The following KLRG2 variants were observed in gnomAD, a reference collection of about 807,000 sequenced individuals.
KLRG2 encodes killer cell lectin-like receptor subfamily G member 2.
Under a neutral mutation model 35.4 loss-of-function variants are expected in KLRG2, and 39 were observed. That is an observed-to-expected ratio of 1.10 (90% confidence interval 0.85 to 1.44). The LOEUF (loss-of-function observed/expected upper bound fraction) is 1.44, where lower values mean the gene tolerates loss of function less well. KLRG2 is among the 40% of genes most tolerant of loss of function. The pLI is 0.00. For synonymous variants in KLRG2, 283 were observed against 265.8 expected (o/e 1.06, Z -0.63); for missense variants, 632 against 570.9 (o/e 1.11, Z -1.09).
intron 3 of KLRG2, among the ~76,000 whole-genome samples, chr7:139,475,257 C>A (rs965711313): frequency 2.6e-5 from 4 of 152,158 alleles, no homozygotes; most frequent in Non-Finnish European, 5.9e-5. Context: ...CCAGGCTGGG[C>A]GCGGTGGCTC....
At chr7:139,464,444 T>G (rs11767930) in intron 3 of KLRG2, among the ~76,000 whole-genome samples, 17,441 of 152,238 alleles carry the variant, frequency 0.11, 1,212 homozygotes, top group East Asian at 0.27. Flanking sequence ...CAAATTGTTT[T>G]GCCTATCCAC....
At chr7:139,434,859 A>T in the KLRG2 span, among the ~76,000 whole-genome samples, 1 of 152,174 alleles carries the variant, frequency 6.6e-6, no homozygotes, top group African/African-American at 2.4e-5. Flanking sequence ...TTGGGAAGCG[A>T]TAATAATACA....
intron 1 of KLRG2, among the ~76,000 whole-genome samples, chr7:139,482,499 T>G (rs1796978112): frequency 6.6e-6 from 1 of 152,044 alleles, no homozygotes; most frequent in South Asian, 2.1e-4. Flanking sequence ...TTCAAGCGAC[T>G]CTCCTGTCTC....
chr7:139,455,669 G>A (rs973449282), intron 3 of KLRG2, among the ~76,000 whole-genome samples: 1 of 152,132 alleles, frequency 6.6e-6, no homozygotes, highest in African/African-American at 2.4e-5. Flanking sequence ...AAGTCCCAGG[G>A]TGGGGACGTG....
chr7:139,453,991 T>A, intron 4 of KLRG2, 120 bp downstream of exon 4: 1 of 727,734 alleles, frequency 1.4e-6, no homozygotes, highest in Admixed American at 2.6e-5. Context: ...GCCGCGAGCA[T>A]GGGCGTGGGC....
At chr7:139,449,233 C>T (rs111302468), downstream of KLRG2, among the ~76,000 whole-genome samples, 13,382 of 151,896 alleles carry the variant, frequency 0.088, 1,392 homozygotes, top group African/African-American at 0.25. Flanking sequence ...GAAACCCTGT[C>T]TCTACTAAAA....
At chr7:139,451,176 A>T (rs1796370697), downstream of KLRG2, among the ~76,000 whole-genome samples, 1 of 152,182 alleles carries the variant, frequency 6.6e-6, no homozygotes, top group African/African-American at 2.4e-5. Context: ...TGTCTGGGGC[A>T]AATAGTTGTT....
At chr7:139,434,041 G>A in the KLRG2 span, among the ~76,000 whole-genome samples, 1 of 152,218 alleles carries the variant, frequency 6.6e-6, no homozygotes, top group Non-Finnish European at 1.5e-5. Context: ...GAGGCTGGGA[G>A]GAGCTGAAAG....
downstream of KLRG2, among the ~76,000 whole-genome samples, chr7:139,452,336 A>G (rs1423785378): frequency 2.0e-5 from 3 of 152,142 alleles, no homozygotes; most frequent in Admixed American, 2.0e-4. Context: ...GCATTAGGAG[A>G]AATTTCTAAT....
chr7:139,439,922 C>T, the KLRG2 span, among the ~76,000 whole-genome samples: 1 of 152,116 alleles, frequency 6.6e-6, no homozygotes, highest in Non-Finnish European at 1.5e-5. Flanking sequence ...TATTCTGTCA[C>T]AGTTCTGGAA....
At chr7:139,460,683 G>C (rs1388240195) in intron 3 of KLRG2, among the ~76,000 whole-genome samples, 4 of 151,966 alleles carry the variant, frequency 2.6e-5, no homozygotes, top group African/African-American at 9.7e-5. Flanking sequence ...AGACAGCTGG[G>C]CACAGTGGGT....
chr7:139,466,797 G>T (rs946240786), intron 3 of KLRG2, among the ~76,000 whole-genome samples: 2 of 150,644 alleles, frequency 1.3e-5, no homozygotes, highest in Non-Finnish European at 2.9e-5. Context: ...AATGAACAGT[G>T]CTGTTTTTAC....
intron 1 of KLRG2, among the ~76,000 whole-genome samples, chr7:139,481,115 A>G (rs970152439): frequency 3.3e-5 from 5 of 152,120 alleles, no homozygotes; most frequent in African/African-American, 1.2e-4. Flanking sequence ...GACTCTACCA[A>G]CAACGCTGGA....
At chr7:139,477,148 A>G (rs1298331903) in intron 3 of KLRG2, among the ~76,000 whole-genome samples, 1 of 152,190 alleles carries the variant, frequency 6.6e-6, no homozygotes, top group African/African-American at 2.4e-5. Context: ...CACAGCCCCT[A>G]TGGAAAACAG....
intron 4 of KLRG2, 74 bp from the exon 5 acceptor site, chr7:139,453,781 A>G: frequency 1.3e-6 from 2 of 1,571,230 alleles, no homozygotes; most frequent in Non-Finnish European, 8.7e-7. Context: ...CAGACCCTCC[A>G]GCGTGTGTGC....
At chr7:139,479,950 A>G (rs1796926306) in intron 2 of KLRG2, among the ~76,000 whole-genome samples, 178 bp from the exon 3 acceptor site, 1 of 152,194 alleles carries the variant, frequency 6.6e-6, no homozygotes, top group African/African-American at 2.4e-5. Context: ...CTGGCATCTG[A>G]TTGCTTATCA....
Position 139,483,166 on chromosome 7 carries a change from A to T in KLRG2, c.477T>A (p.Pro159=). Residue 159 remains proline (P), a synonymous_variant, in exon 1 of 5, where the codon CCT becomes CCA. Transcript: ENST00000340940. The stretch of plus-strand genomic sequence containing the variant: ...CCGGGTCCGCGTGGCGGGAGAAGGC[A>T]GGGGACTCGGGCACCGGCACCTTGA... The part of the protein sequence containing the change: ...RFLKVPVPES[P]AFSRHADPAH... 1 of 1,501,004 alleles carries T rather than the reference A, an allele frequency of 6.7e-7. No homozygotes were observed. The highest frequency in any genetic ancestry group is 2.2e-5 in the Admixed American group (1 of 46,044). 93.0% of individuals were successfully genotyped at this position (1,501,004 alleles called of 1,614,324 possible). A position where few individuals can be genotyped will look rare whatever the true frequency, so the allele number is the denominator to read the frequency against.
At chr7:139,427,501 G>A in the KLRG2 span, among the ~76,000 whole-genome samples, 2 of 152,074 alleles carry the variant, frequency 1.3e-5, no homozygotes, top group Non-Finnish European at 2.9e-5. Context: ...ATGCTCCTTT[G>A]GGAGACTGAT....
chr7:139,447,759 A>T (rs992757067), downstream of KLRG2, among the ~76,000 whole-genome samples: 2 of 152,048 alleles, frequency 1.3e-5, no homozygotes, highest in Non-Finnish European at 2.9e-5. Flanking sequence ...AGCTAGGGGG[A>T]AAAAGCACTT....
Sources: allele counts gnomAD v4.1 joint callset (sites outside exome capture counted in the v4.1 genomes callset), GRCh38; gene constraint gnomAD v4.1.1; transcripts MANE v1.5; gene names NCBI Gene and HGNC (gene_info 2026-07-23, HGNC 2026-07-21).